CMTM8: variants seen among roughly 807,000 people sequenced by gnomAD.
CMTM8 encodes the protein CKLF like MARVEL transmembrane domain containing 8.
In CMTM8, 12 loss-of-function variants were observed where a neutral mutation model predicts 18.6. The ratio of observed to expected loss-of-function variants is 0.65; its 90% CI spans 0.41 to 1.05. The LOEUF is 1.05. Ranked by LOEUF, CMTM8 falls within the 50% of genes least tolerant of loss-of-function variation. The pLI, the probability that CMTM8 is intolerant of heterozygous loss-of-function variation, is 0.00. For missense variants in CMTM8, 217 were observed against 227.2 expected (o/e 0.95, Z 0.29); for synonymous variants, 87 against 90.6 (o/e 0.96, Z 0.23).
At position 32,272,689 on chromosome 3, in the gene CMTM8, GA is replaced by G. The variant is rs759937617; in HGVS notation, c.147+33571del. On this transcript the variant is annotated intron_variant, in intron 1 of 3. Transcript: ENST00000307526. ...ACATAGACTCAGACCCAACCCAAAT[GA>G]GAGAATATGTGGGGCTATAAATTGA... Among the ~76,000 whole-genome samples the G allele has an allele frequency of 3.5e-4, 53 of 152,224 alleles. No individual in the cohort carries two copies. In the South Asian group the frequency reaches 8.7e-3, roughly 25 times the overall value.
intron 1 of CMTM8, among the ~76,000 whole-genome samples, chr3:32,264,600 A>G (rs1417730360): frequency 1.3e-5 from 2 of 152,220 alleles, no homozygotes; most frequent in Non-Finnish European, 2.9e-5. Flanking sequence ...CACACATAAC[A>G]ATATTAACCT....
At chr3:32,268,419 G>A (rs758669887) in intron 1 of CMTM8, among the ~76,000 whole-genome samples, 144 of 152,228 alleles carry the variant, frequency 9.5e-4, no homozygotes, top group Non-Finnish European at 1.5e-3. Flanking sequence ...ACAGGAGGGG[G>A]AACATCACAC....
chr3:32,270,889 C>T (rs948961762), intron 1 of CMTM8, among the ~76,000 whole-genome samples: 3 of 152,026 alleles, frequency 2.0e-5, no homozygotes, highest in Non-Finnish European at 4.4e-5. Context: ...ATAATAATAA[C>T]ATTACCCACA....
At chr3:32,318,819 A>G (rs968352740) in intron 1 of CMTM8, among the ~76,000 whole-genome samples, 3 of 151,078 alleles carry the variant, frequency 2.0e-5, no homozygotes, top group African/African-American at 7.3e-5. Context: ...CACCCGCCTC[A>G]GCCTCCCAAA....
chr3:32,293,991 A>G (rs1702828784), intron 1 of CMTM8, among the ~76,000 whole-genome samples: 1 of 152,084 alleles, frequency 6.6e-6, no homozygotes, highest in Non-Finnish European at 1.5e-5. Context: ...TCAAGGGTAA[A>G]TACATCTCAT....
chr3:32,330,858 T>G (rs1184043808), intron 1 of CMTM8, among the ~76,000 whole-genome samples: 1 of 152,178 alleles, frequency 6.6e-6, no homozygotes. Flanking sequence ...ATTATAGACC[T>G]AAATGTAAGA....
chr3:32,242,194 A>G (rs1701952703), intron 1 of CMTM8, among the ~76,000 whole-genome samples: 1 of 152,252 alleles, frequency 6.6e-6, no homozygotes, highest in South Asian at 2.1e-4. Context: ...GGAAATGGAA[A>G]TTTGCACCTT....
At chr3:32,343,390 C>T (rs1189039774) in intron 1 of CMTM8, among the ~76,000 whole-genome samples, 1 of 152,194 alleles carries the variant, frequency 6.6e-6, no homozygotes, top group Non-Finnish European at 1.5e-5. Context: ...GGATTTCCAC[C>T]TGCAAAGTCT....
intron 1 of CMTM8, among the ~76,000 whole-genome samples, chr3:32,326,220 A>G (rs781539685): frequency 3.9e-5 from 6 of 152,214 alleles, no homozygotes; most frequent in Admixed American, 6.5e-5. Flanking sequence ...TTGGCAAAGG[A>G]GATCTTGAAG....
chr3:32,358,906 A>C lies in CMTM8; in HGVS notation c.321+1360A>C, dbSNP rs981742853. 6.6e-6 allele frequency among the ~76,000 whole-genome samples: 1 copy of C among 152,248 alleles called. No homozygotes were observed. Reference sequence around the variant, plus strand: ...CAAAAAAAGTTAGCACCTTGAAGTAATAGTAACTATAGGAACACAGGATGA... The same window carrying C: ...CAAAAAAAGTTAGCACCTTGAAGTACTAGTAACTATAGGAACACAGGATGA... On this transcript the variant is annotated intron_variant, in intron 2 of 3. Transcript: ENST00000307526. The surrounding 1 kb of genome is among the most constrained non-coding windows in gnomAD (Gnocchi z 4.1).
intron 1 of CMTM8, among the ~76,000 whole-genome samples, chr3:32,250,722 T>C (rs1026132558): frequency 3.3e-5 from 5 of 152,062 alleles, no homozygotes; most frequent in African/African-American, 1.2e-4. Context: ...AGAACTCCAA[T>C]TGAGTTCTTT....
chr3:32,347,176 A>G (rs1559385919), intron 1 of CMTM8, among the ~76,000 whole-genome samples: 1 of 152,096 alleles, frequency 6.6e-6, no homozygotes, highest in Admixed American at 6.5e-5. Flanking sequence ...TTATCCTTAC[A>G]TAAATATTAT....
intron 1 of CMTM8, among the ~76,000 whole-genome samples, chr3:32,297,625 C>T (rs1373566291): frequency 6.6e-6 from 1 of 152,050 alleles, no homozygotes; most frequent in Non-Finnish European, 1.5e-5. Context: ...ACACTCCAGG[C>T]TGCTTTGTCT....
chr3:32,302,149 T>A (rs370698871), intron 1 of CMTM8, among the ~76,000 whole-genome samples: 21 of 146,386 alleles, frequency 1.4e-4, no homozygotes, highest in Non-Finnish European at 2.1e-4. Flanking sequence ...AAAAAAAAAA[T>A]TTAATTAGCT....
rs1028174067 is a variant in CMTM8 at position 32,268,432 on chromosome 3, C to T, written c.147+29313C>T. Among the ~76,000 whole-genome samples the T allele has an allele frequency of 1.1e-4, 17 of 151,948 alleles. No homozygotes were observed. In the East Asian group the frequency reaches 1.5e-3, roughly 14 times the overall value. Reference sequence around the variant, plus strand: ...ACACAGGAGGGGGAACATCACACCCCGGGGCCTGTTGTGGGGTAGGGGGAG... The same window carrying T: ...ACACAGGAGGGGGAACATCACACCCTGGGGCCTGTTGTGGGGTAGGGGGAG... On this transcript the variant is annotated intron_variant, in intron 1 of 3. Transcript: ENST00000307526.
chr3:32,242,763 T>G (rs1353714440), intron 1 of CMTM8, among the ~76,000 whole-genome samples: 2 of 152,230 alleles, frequency 1.3e-5, no homozygotes, highest in East Asian at 1.9e-4. Context: ...CCCAGTGTAC[T>G]GGGCACCTGG....
intron 1 of CMTM8, among the ~76,000 whole-genome samples, chr3:32,246,779 G>C (rs932538432): frequency 6.6e-6 from 1 of 152,178 alleles, no homozygotes; most frequent in Non-Finnish European, 1.5e-5. Flanking sequence ...ACTTAGAATT[G>C]ATAAGAGGGT....
At chr3:32,242,736 A>G (rs770892324) in intron 1 of CMTM8, among the ~76,000 whole-genome samples, 13 of 152,228 alleles carry the variant, frequency 8.5e-5, no homozygotes, top group Non-Finnish European at 1.6e-4. Context: ...ATGTGCCTTC[A>G]TATGAGTGTG....
At chr3:32,337,861 T>G (rs1282484124) in intron 1 of CMTM8, among the ~76,000 whole-genome samples, 1 of 152,200 alleles carries the variant, frequency 6.6e-6, no homozygotes, top group Non-Finnish European at 1.5e-5. Context: ...CAGAACACAG[T>G]TGCTCCCATT....
Sources: allele counts gnomAD v4.1 joint callset (sites outside exome capture counted in the v4.1 genomes callset), GRCh38; gene constraint gnomAD v4.1.1; non-coding constraint Gnocchi (gnomAD v3.1); transcripts MANE v1.5; gene names NCBI Gene and HGNC (gene_info 2026-07-23, HGNC 2026-07-21).